SPATA12: variants seen among roughly 807,000 people sequenced by gnomAD.
The protein encoded by SPATA12 is spermatogenesis associated 12.
For synonymous variants in SPATA12, 85 were observed against 89.2 expected, an observed-to-expected ratio of 0.95 and a Z score of 0.26; for missense variants, 219 against 226.4, an observed-to-expected ratio of 0.97 and a Z score of 0.21.
chr3:57,074,305 T>C lies in SPATA12; in HGVS notation c.*38T>C, dbSNP rs1301694386. The C allele has an allele frequency of 1.2e-5, 19 of 1,573,782 alleles. No homozygotes were observed. Among genetic ancestry groups the C allele is most frequent in the Non-Finnish European group, 1.6e-5 (19 of 1,152,798 alleles). On this transcript the variant is annotated 3_prime_UTR_variant, in exon 2 of 2. Coordinates refer to ENST00000334325, the MANE Select transcript of SPATA12 (RefSeq NM_181727.2). Reference sequence around the variant, plus strand: ...CTGCAACATCTGAGAGTCTGGCAGCTGTTTGTCTGGGCCTTTGCACATGCT... The same window carrying C: ...CTGCAACATCTGAGAGTCTGGCAGCCGTTTGTCTGGGCCTTTGCACATGCT...
intron 1 of SPATA12, among the ~76,000 whole-genome samples, chr3:57,063,366 C>T (rs1396218688): frequency 4.6e-5 from 7 of 152,122 alleles, no homozygotes; most frequent in Admixed American, 1.3e-4. Flanking sequence ...AGTAGCCAAC[C>T]CTTCAGAAGG....
intron 1 of SPATA12, among the ~76,000 whole-genome samples, chr3:57,064,112 CA>C (rs1705388292): frequency 6.6e-6 from 1 of 151,946 alleles, no homozygotes; most frequent in South Asian, 2.1e-4. Flanking sequence ...ACCAAAAATA[CA>C]AAAAAATTAA....
rs1355249278 is a variant in SPATA12 at position 57,074,044 on chromosome 3, G to A, written c.350G>A (p.Ser117Asn). The change falls in exon 2 of 2, where the codon AGT becomes AAT. Residue 117 changes from serine to asparagine, a missense_variant. Physicochemically the swap from Ser to Asn is conservative, Grantham distance 46. Transcript: ENST00000334325. ...SPPALLIQQG[S>N]CEQVIHNSTP... The stretch of plus-strand genomic sequence containing the variant: ...CCAGCTCTCCTGATACAGCAAGGCA[G>A]TTGTGAGCAAGTTATTCATAACTCT... 2 of 1,614,238 alleles carry A rather than the reference G, an allele frequency of 1.2e-6. No individual in the cohort carries two copies. The highest frequency in any genetic ancestry group is 1.7e-6 in the Non-Finnish European group (2 of 1,180,038).
In SPATA12 at chr3:57,073,989, A is replaced by T. The variant is rs1192671150; in HGVS notation, c.295A>T (p.Ile99Leu). The T allele has an allele frequency of 6.2e-7, 1 of 1,614,236 alleles. No homozygotes were observed. The highest frequency in any genetic ancestry group is 1.3e-5 in the African/African-American group (1 of 75,072). The change falls in exon 2 of 2, where the codon ATA becomes TTA. Residue 99 changes from isoleucine to leucine, a missense_variant. Coordinates refer to ENST00000334325, the MANE Select transcript of SPATA12 (RefSeq NM_181727.2). ...AISLDIAVSQ[I>L]NLLGRPSSPP... ...CTCTCTTGACATCGCTGTATCCCAA[A>T]TAAATCTTCTGGGAAGACCCTCTTC...
Position 57,064,353 on chromosome 3 carries a change from T to A in SPATA12, c.-330+3567T>A, listed in dbSNP as rs147694153. Among the ~76,000 whole-genome samples the A allele has an allele frequency of 8.9e-3, 1,351 of 152,108 alleles. 15 individuals are homozygous for A. Among genetic ancestry groups the A allele is most frequent in the Non-Finnish European group, 0.011 (744 of 67,996 alleles). On this transcript the variant is annotated intron_variant, in intron 1 of 1. Coordinates refer to ENST00000334325, the MANE Select transcript of SPATA12 (RefSeq NM_181727.2). ...TTTTTCTTTTTTTGGAGACAGGGTT[T>A]CCCTCTGTTATCCAGGCTGGGATGC...
In SPATA12 at chr3:57,073,526, G is replaced by GT; in HGVS notation, c.-169_-168insT. ...AGTATCTGGGTGACTGTGGGGTTTG[G>GT]CTCTGTTTGAGCACCCCGGGATGAT... On this transcript the variant is annotated 5_prime_UTR_variant, in exon 2 of 2. The change abolishes the stop of an existing upstream ORF in the 5' untranslated region. Coordinates refer to ENST00000334325, the MANE Select transcript of SPATA12 (RefSeq NM_181727.2). 2 of 1,129,978 alleles carry GT rather than the reference G, an allele frequency of 1.8e-6. No homozygotes were observed. Among genetic ancestry groups the GT allele is most frequent in the Admixed American group, 3.0e-5 (1 of 33,380 alleles). The allele number at this position is 1,129,978 out of a possible 1,614,324, so 70.0% of individuals were successfully genotyped here.
intron 1 of SPATA12, among the ~76,000 whole-genome samples, chr3:57,067,265 C>T (rs1220845371): frequency 6.6e-6 from 1 of 151,672 alleles, no homozygotes; most frequent in African/African-American, 2.4e-5. Context: ...TCCTGGCTAA[C>T]ACGGTGAAAC....
chr3:57,065,017 T>G (rs1705445467), intron 1 of SPATA12, among the ~76,000 whole-genome samples: 2 of 152,220 alleles, frequency 1.3e-5, no homozygotes, highest in South Asian at 2.1e-4. Context: ...AAAGTTTTGC[T>G]CTAAACTGAA....
Position 57,067,204 on chromosome 3 carries a change from T to C in SPATA12, c.-329-6162T>C, listed in dbSNP as rs1051691746. Reference sequence around the variant, plus strand: ...CGGTGGCTCACGCCTGTAATCCCAGTACTTTGGGAGGCCAAGGCGGGTGGA... The same window carrying C: ...CGGTGGCTCACGCCTGTAATCCCAGCACTTTGGGAGGCCAAGGCGGGTGGA... On this transcript the variant is annotated intron_variant, in intron 1 of 1. Coordinates refer to ENST00000334325, the MANE Select transcript of SPATA12 (RefSeq NM_181727.2). Among the ~76,000 whole-genome samples the C allele has an allele frequency of 3.3e-5, 5 of 151,504 alleles. No homozygotes were observed. The South Asian group carries it at 8.3e-4, about 25-fold the overall frequency.
intron 1 of SPATA12, among the ~76,000 whole-genome samples, chr3:57,067,312 G>A (rs1475452155): frequency 2.0e-5 from 3 of 151,644 alleles, no homozygotes; most frequent in Admixed American, 6.6e-5. Flanking sequence ...AAAATTAGCC[G>A]GGCGTGGTGG....
rs187942649 is a variant in SPATA12, at chr3:57,074,574, T to C, written c.*307T>C. The C allele has an allele frequency of 1.8e-5, 6 of 326,928 alleles. No homozygotes were observed. The East Asian group carries it at 3.5e-4, about 19-fold the overall frequency. 20.3% of individuals were successfully genotyped at this position (326,928 alleles called of 1,614,324 possible). ...TGACATCAATTGATCAATCAATCGA[T>C]CAATCAATGAAAGAGTGGGAGGCAT... On this transcript the variant is annotated 3_prime_UTR_variant, in exon 2 of 2. Transcript: ENST00000334325.
At chr3:57,061,905 G>A (rs1009803119) in intron 1 of SPATA12, among the ~76,000 whole-genome samples, 1 of 152,186 alleles carries the variant, frequency 6.6e-6, no homozygotes, top group Admixed American at 6.5e-5. Flanking sequence ...ATCTGAGCCC[G>A]CATAGGTTCA....
chr3:57,073,840 G>A lies in SPATA12; in HGVS notation c.146G>A (p.Cys49Tyr). The change falls in exon 2 of 2, where the codon TGT becomes TAT. Residue 49 changes from cysteine to tyrosine, a missense_variant. Transcript: ENST00000334325. ...ACCCAACATCCCAACAAACCCCACT[G>A]TGCACTGGCATCATGCCAGGGTCCA... ...SSTQHPNKPH[C>Y]ALASCQGPGV... 1 of 1,614,218 alleles carries A rather than the reference G, an allele frequency of 6.2e-7. No individual in the cohort carries two copies. Among genetic ancestry groups the A allele is most frequent in the Non-Finnish European group, 8.5e-7 (1 of 1,180,048 alleles).
chr3:57,074,795 C>G lies in SPATA12; in HGVS notation c.*528C>G, dbSNP rs987595452. The G allele has an allele frequency of 1.2e-5, 2 of 173,388 alleles. No individual in the cohort carries two copies. Among genetic ancestry groups the G allele is most frequent in the African/African-American group, 4.8e-5 (2 of 41,452 alleles). 10.7% of individuals were successfully genotyped at this position (173,388 alleles called of 1,614,324 possible). On this transcript the variant is annotated 3_prime_UTR_variant, in exon 2 of 2. Transcript: ENST00000334325. ...TCTTACAATGTGCAGGATTATAACTCCAGCAATGACCCCTAGGCTCATGCT... is the reference window on the plus strand; with the variant it reads ...TCTTACAATGTGCAGGATTATAACTGCAGCAATGACCCCTAGGCTCATGCT...
At position 57,073,861 on chromosome 3, in the gene SPATA12, G is replaced by T. The variant is rs1449020232; in HGVS notation, c.167G>T (p.Gly56Val). 1 of 1,614,220 alleles carries T rather than the reference G, an allele frequency of 6.2e-7. No homozygotes were observed. The highest frequency in any genetic ancestry group is 2.2e-5 in the East Asian group (1 of 44,882). Residue 56 changes from glycine to valine, a missense_variant, in exon 2 of 2, where the codon GGT becomes GTT. Physicochemically the swap from Gly to Val is moderately radical, Grantham distance 109. Coordinates refer to ENST00000334325, the MANE Select transcript of SPATA12 (RefSeq NM_181727.2). Reference protein sequence around the residue: ...KPHCALASCQGPGVLPGAASA... With the variant: ...KPHCALASCQVPGVLPGAASA... ...CACTGTGCACTGGCATCATGCCAGG[G>T]TCCAGGTGTCCTGCCAGGAGCAGCC...
Position 57,075,142 on chromosome 3 carries a change from C to G in SPATA12, c.*875C>G, listed in dbSNP as rs994733839. 5 of 167,174 alleles carry G rather than the reference C, an allele frequency of 3.0e-5. No individual in the cohort carries two copies. The highest frequency in any genetic ancestry group is 1.2e-4 in the African/African-American group (5 of 41,458). The allele number at this position is 167,174 out of a possible 1,614,324, so 10.4% of individuals were successfully genotyped here. On this transcript the variant is annotated 3_prime_UTR_variant, in exon 2 of 2. Coordinates refer to ENST00000334325, the MANE Select transcript of SPATA12 (RefSeq NM_181727.2). ...GCTCCCTCATTTGTCTGGGTTTCTG[C>G]TCCAATGCTATCTCCTCAGAAAGAC...
At position 57,073,912 on chromosome 3, in the gene SPATA12, AGGG is replaced by A. The variant is rs765577966; in HGVS notation, c.221_223del (p.Gly74del). The A allele has an allele frequency of 3.1e-6, 5 of 1,614,068 alleles. No homozygotes were observed. Among genetic ancestry groups the A allele is most frequent in the Non-Finnish European group, 4.2e-6 (5 of 1,180,038 alleles). ...TCTGCCCTCCCAGAGCTGACATTTC[AGGG>A]GGATGTGTGCCAAAGTGAGACCTGT... is the stretch of plus-strand genomic sequence containing the variant. On this transcript the variant is annotated inframe_deletion, in exon 2 of 2. Transcript: ENST00000334325.
At chr3:57,069,106 A>G (rs780422179) in intron 1 of SPATA12, among the ~76,000 whole-genome samples, 4 of 152,008 alleles carry the variant, frequency 2.6e-5, no homozygotes, top group Non-Finnish European at 4.4e-5. Flanking sequence ...TATTTTTAGC[A>G]GAGACGGGGT....
At position 57,062,031 on chromosome 3, in the gene SPATA12, A is replaced by C. The variant is rs551117471; in HGVS notation, c.-330+1245A>C. On this transcript the variant is annotated intron_variant, in intron 1 of 1. Coordinates refer to ENST00000334325, the MANE Select transcript of SPATA12 (RefSeq NM_181727.2). The stretch of plus-strand genomic sequence containing the variant: ...TCCACATCTTTCCTTGCTCTGGACT[A>C]AGGATCAAGTAAAAAAAGAGAGTGG... Among the ~76,000 whole-genome samples the C allele has an allele frequency of 6.6e-4, 100 of 152,250 alleles. 2 individuals carry two copies. Among genetic ancestry groups the C allele is most frequent in the Admixed American group, 2.0e-4 (3 of 15,286 alleles).
Sources: allele counts gnomAD v4.1 joint callset (sites outside exome capture counted in the v4.1 genomes callset), GRCh38; gene constraint gnomAD v4.1.1; transcripts MANE v1.5; gene names NCBI Gene and HGNC (gene_info 2026-07-23, HGNC 2026-07-21).